Variants in MAF observed in about 807,000 individuals in gnomAD.
The protein encoded by MAF is transcription factor Maf.
A neutral mutation model predicts 22.0 loss-of-function variants in MAF; 10 were observed. The observed-to-expected ratio is 0.45, with a 90% CI of 0.28 to 0.77. The LOEUF (loss-of-function observed/expected upper bound fraction) is 0.77. MAF is among the 30% of genes least tolerant of loss of function. The pLI is 0.12. For missense variants in MAF, 544 were observed against 548.4 expected (o/e 0.99, Z 0.08); for synonymous variants, 337 against 255.8 (o/e 1.32, Z -3.03).
chr16:79,518,428 A>AACTC, the MAF span, among the ~76,000 whole-genome samples: 2 of 152,318 alleles, frequency 1.3e-5, no homozygotes, highest in South Asian at 4.1e-4. Flanking sequence ...CATCTTGTAG[A>AACTC]ACTCTCATGG....
the MAF span, among the ~76,000 whole-genome samples, chr16:79,557,263 C>T: frequency 1.3e-5 from 2 of 151,924 alleles, no homozygotes; most frequent in Non-Finnish European, 1.5e-5. Flanking sequence ...GGTAATTTCC[C>T]GAAGTTTCTG....
At chr16:79,486,202 G>A in the MAF span, among the ~76,000 whole-genome samples, 18 of 152,280 alleles carry the variant, frequency 1.2e-4, no homozygotes, top group African/African-American at 3.4e-4. Context: ...GTTAGAGGCA[G>A]AAATATAGTG....
the MAF span, among the ~76,000 whole-genome samples, chr16:79,481,484 C>A: frequency 6.6e-6 from 1 of 152,220 alleles, no homozygotes; most frequent in Admixed American, 6.5e-5. Flanking sequence ...GCCTACACCC[C>A]CTAGACGTTA....
At chr16:79,230,936 T>A in the MAF span, among the ~76,000 whole-genome samples, 1 of 152,116 alleles carries the variant, frequency 6.6e-6, no homozygotes. Context: ...CTAATATTTC[T>A]CTGCCCAAAA....
chr16:79,284,410 A>G, the MAF span, among the ~76,000 whole-genome samples: 1 of 152,316 alleles, frequency 6.6e-6, no homozygotes, highest in South Asian at 2.1e-4. Flanking sequence ...TAATTACAAA[A>G]TACCTGAGTG....
chr16:79,232,819 T>C, the MAF span, among the ~76,000 whole-genome samples: 1 of 151,396 alleles, frequency 6.6e-6, no homozygotes, highest in Non-Finnish European at 1.5e-5. Flanking sequence ...AAAAGTGTTA[T>C]TGTAAAGATA....
the MAF span, among the ~76,000 whole-genome samples, chr16:79,405,069 G>C: frequency 6.6e-6 from 1 of 152,174 alleles, no homozygotes; most frequent in East Asian, 1.9e-4. Flanking sequence ...TCCTTCTTCA[G>C]CGTGGGTGAC....
chr16:79,561,969 A>G, the MAF span, among the ~76,000 whole-genome samples: 1 of 152,192 alleles, frequency 6.6e-6, no homozygotes, highest in South Asian at 2.1e-4. Flanking sequence ...CTCTGGTTCA[A>G]CATGAGCCGT....
chr16:79,217,752 C>G, the MAF span, among the ~76,000 whole-genome samples: 1 of 152,126 alleles, frequency 6.6e-6, no homozygotes, highest in East Asian at 1.9e-4. Context: ...TTAAGGGAGA[C>G]CTTGCTGCAA....
the MAF span, among the ~76,000 whole-genome samples, chr16:79,570,804 C>T: frequency 1.3e-5 from 2 of 152,224 alleles, no homozygotes; most frequent in African/African-American, 4.8e-5. Context: ...TATGGGCATA[C>T]TACTGACAGT....
chr16:79,221,295 A>C, the MAF span, among the ~76,000 whole-genome samples: 1 of 152,162 alleles, frequency 6.6e-6, no homozygotes, highest in Admixed American at 6.5e-5. Flanking sequence ...CTGCCTTCAA[A>C]CCCACTTTAG....
At chr16:79,573,034 A>G in the MAF span, among the ~76,000 whole-genome samples, 2 of 152,174 alleles carry the variant, frequency 1.3e-5, no homozygotes, top group Non-Finnish European at 2.9e-5. Flanking sequence ...AAGGTTGAAC[A>G]TTGTTTCATA....
the MAF span, among the ~76,000 whole-genome samples, chr16:79,528,273 T>G: frequency 6.6e-6 from 1 of 152,126 alleles, no homozygotes; most frequent in Non-Finnish European, 1.5e-5. Flanking sequence ...CTTTGTCCCC[T>G]CTCATGGCAG....
At chr16:79,379,465 G>T in the MAF span, among the ~76,000 whole-genome samples, 1 of 151,764 alleles carries the variant, frequency 6.6e-6, no homozygotes, top group African/African-American at 2.4e-5. Flanking sequence ...GAGGACGTAG[G>T]AGCAGAAGTA....
the MAF span, among the ~76,000 whole-genome samples, chr16:79,380,446 C>G: frequency 1.3e-5 from 2 of 152,190 alleles, no homozygotes; most frequent in East Asian, 3.8e-4. Context: ...TTTTCCAATA[C>G]AGTGTGAGAG....
At chr16:79,396,412 G>A in the MAF span, among the ~76,000 whole-genome samples, 1 of 152,146 alleles carries the variant, frequency 6.6e-6, no homozygotes, top group Non-Finnish European at 1.5e-5. Context: ...TCAAAGAAGT[G>A]GAAACCACAA....
At chr16:79,354,151 T>A in the MAF span, among the ~76,000 whole-genome samples, 1 of 151,786 alleles carries the variant, frequency 6.6e-6, no homozygotes, top group Non-Finnish European at 1.5e-5. Context: ...CGCACCACCG[T>A]GACTAATTTT....
At chr16:79,211,586 G>A in the MAF span, 9 of 1,613,686 alleles carry the variant, frequency 5.6e-6, no homozygotes, top group Non-Finnish European at 7.6e-6. Flanking sequence ...ATTTTTTTTT[G>A]TCTTTCTTCT....
chr16:79,457,466 A>C, the MAF span, among the ~76,000 whole-genome samples: 15 of 151,862 alleles, frequency 9.9e-5, no homozygotes, highest in African/African-American at 3.6e-4. Context: ...AATAATACTA[A>C]AAGTGTCAAG....
Sources: gnomAD v4.1 joint callset for allele counts (sites outside exome capture counted in the v4.1 genomes callset) on GRCh38, gnomAD v4.1.1 for gene constraint, MANE v1.5 for transcripts, NCBI Gene and HGNC (gene_info 2026-07-23, HGNC 2026-07-21) for gene names.